ZNF648: variants seen among roughly 807,000 people sequenced by gnomAD.
The protein encoded by ZNF648 is zinc finger protein 648.
Under a neutral mutation model 0.3 loss-of-function variants are expected in ZNF648, and 1 was observed. The observed-to-expected ratio is 3.90, with a 90% confidence interval of 1.39 to 18.51. ZNF648 has a LOEUF of 18.51. Among genes scored for constraint, ZNF648 ranks in the 30% most tolerant of loss-of-function variants. The pLI is 0.11. For missense variants in ZNF648, 874 were observed against 769.7 expected, an observed-to-expected ratio of 1.14 and a Z score of -1.60; for synonymous variants, 376 against 326.8, an observed-to-expected ratio of 1.15 and a Z score of -1.62.
upstream of ZNF648, chr1:182,064,901 C>G (rs191917805): frequency 5.3e-5 from 8 of 152,262 alleles, no homozygotes; most frequent in African/African-American, 1.2e-4. Context: ...TGTGAAGGAG[C>G]CTGTGGAGAT....
chr1:182,058,211 G>T, intron 1 of ZNF648, 138 bp from the exon 2 acceptor site: 1 of 630,486 alleles, frequency 1.6e-6, no homozygotes, highest in Non-Finnish European at 2.7e-6. Flanking sequence ...CCTCACTGAG[G>T]ACAGAGGCCT....
Position 182,057,653 on chromosome 1 carries a change from T to C in ZNF648, c.358A>G (p.Ser120Gly). 1 of 1,614,198 alleles carries C rather than the reference T, an allele frequency of 6.2e-7. No homozygotes were observed. The highest frequency in any genetic ancestry group is 8.5e-7 in the Non-Finnish European group (1 of 1,180,036). ...CTGGGAAGGGAACCCAGAGCTCTGC[T>C]TGCTCCCGGGGAACCCTGGGTCTCG... ...INETQGSPGA[S>G]RALGSLPSGL... Residue 120 changes from serine to glycine, a missense_variant, in exon 2 of 2, where the codon AGC becomes GGC. Physicochemically the swap from Ser to Gly is moderately conservative, Grantham distance 56. Transcript: ENST00000339948.
chr1:182,057,426 C>T lies in ZNF648; in HGVS notation c.585G>A (p.Pro195=), dbSNP rs376867696. 6 of 1,614,124 alleles carry T rather than the reference C, an allele frequency of 3.7e-6. No homozygotes were observed. Among genetic ancestry groups the T allele is most frequent in the South Asian group, 3.3e-5 (3 of 91,082 alleles). ...GCGTGGGAAGGTCCCAGTTGCTCCC[C>T]GGCCTGGGGAAACACAACAGAGAAG... ...GNSSLLCFPR[P]GSNWDLPTQE... Residue 195 remains proline, a synonymous_variant, in exon 2 of 2, where the codon CCG becomes CCA. Transcript: ENST00000339948.
chr1:182,054,810 T>C lies in ZNF648; in HGVS notation c.*1494A>G, dbSNP rs1665882158. ...TCAACAGTAAAGGATGGGGATGGAC[T>C]CTTTTATTACGGTTACCTTGGTCAA... On this transcript the variant is annotated 3_prime_UTR_variant, in exon 2 of 2. Transcript: ENST00000339948. 6.6e-6 allele frequency: 1 copy of C among 152,264 alleles called. No homozygotes were observed. Among genetic ancestry groups the C allele is most frequent in the Non-Finnish European group, 1.5e-5 (1 of 68,052 alleles). The allele number at this position is 152,264 out of a possible 1,614,324, so 9.4% of individuals were successfully genotyped here.
At chr1:182,063,066 A>G (rs1666051732), upstream of ZNF648, 1 of 152,230 alleles carries the variant, frequency 6.6e-6, no homozygotes, top group African/African-American at 2.4e-5. Flanking sequence ...ATGGTATTCC[A>G]TGGTGTATAT....
intron 1 of ZNF648, among the ~76,000 whole-genome samples, chr1:182,059,162 G>T (rs1044655446): frequency 2.0e-5 from 3 of 152,028 alleles, no homozygotes; most frequent in Admixed American, 1.3e-4. Flanking sequence ...AAGTTACCTG[G>T]GTTTAAATGT....
intron 1 of ZNF648, among the ~76,000 whole-genome samples, chr1:182,060,358 G>A (rs560198673): frequency 6.6e-6 from 1 of 152,258 alleles, no homozygotes; most frequent in South Asian, 2.1e-4. Context: ...TATTTGGCTG[G>A]TACAGTTAAC....
At chr1:182,058,505 C>G (rs1665977774) in intron 1 of ZNF648, among the ~76,000 whole-genome samples, 1 of 149,782 alleles carries the variant, frequency 6.7e-6, no homozygotes, top group Non-Finnish European at 1.5e-5. Context: ...CTTTTGCTGT[C>G]CCTGCCAGGA....
chr1:182,063,934 T>C (rs1666065474), upstream of ZNF648: 1 of 152,254 alleles, frequency 6.6e-6, no homozygotes, highest in Non-Finnish European at 1.5e-5. Context: ...TAGCCAGTTC[T>C]CCTGGCACCA....
upstream of ZNF648, among the ~76,000 whole-genome samples, chr1:182,062,363 A>T (rs1666043026): frequency 6.6e-6 from 1 of 152,210 alleles, no homozygotes; most frequent in South Asian, 2.1e-4. Flanking sequence ...CTCAAGTCTA[A>T]TGTGCATTTA....
rs751263013 is a variant in ZNF648 at position 182,058,028 on chromosome 1, A to G, written c.-18T>C. 3.8e-6 allele frequency: 6 copies of G among 1,582,922 alleles called. No individual in the cohort carries two copies. Among genetic ancestry groups the G allele is most frequent in the South Asian group, 3.5e-5 (3 of 85,056 alleles). Reference sequence around the variant, plus strand: ...TGTGCCATGATGTTCAGGCGCTTCTATTGCCTACTCCTCTGAGGAGGAGTA... The same window carrying G: ...TGTGCCATGATGTTCAGGCGCTTCTGTTGCCTACTCCTCTGAGGAGGAGTA... On this transcript the variant is annotated 5_prime_UTR_variant, in exon 2 of 2. Coordinates refer to ENST00000339948, the MANE Select transcript of ZNF648 (RefSeq NM_001009992.1).
At chr1:182,065,405 T>G (rs1251618686), upstream of ZNF648, among the ~76,000 whole-genome samples, 1 of 152,234 alleles carries the variant, frequency 6.6e-6, no homozygotes, top group Non-Finnish European at 1.5e-5. Context: ...TCCCACTAAG[T>G]GCCTGCACAG....
At chr1:182,066,384 A>T (rs1236321725), upstream of ZNF648, among the ~76,000 whole-genome samples, 1 of 152,218 alleles carries the variant, frequency 6.6e-6, no homozygotes, top group South Asian at 2.1e-4. Context: ...CATCACAGCA[A>T]TCTGCCTGAG....
upstream of ZNF648, chr1:182,063,568 G>T (rs575453130): frequency 6.6e-6 from 1 of 152,030 alleles, no homozygotes; most frequent in Non-Finnish European, 1.5e-5. Context: ...GGGGGGTTTC[G>T]TAAATTTGCT....
At chr1:182,065,299 C>T (rs1666083740), upstream of ZNF648, among the ~76,000 whole-genome samples, 1 of 152,148 alleles carries the variant, frequency 6.6e-6, no homozygotes, top group Admixed American at 6.5e-5. Context: ...TTAGTCCCTC[C>T]TCCCCAAGGC....
upstream of ZNF648, chr1:182,063,026 G>A (rs555215468): frequency 5.9e-5 from 9 of 152,324 alleles, no homozygotes; most frequent in African/African-American, 2.2e-4. Flanking sequence ...TCCCTGCAAA[G>A]GATATGATCC....
upstream of ZNF648, among the ~76,000 whole-genome samples, chr1:182,065,061 G>A (rs778535638): frequency 1.3e-5 from 2 of 152,108 alleles, no homozygotes; most frequent in Admixed American, 6.5e-5. Flanking sequence ...ACATCCTAAC[G>A]AAGCAGCTAC....
chr1:182,068,148 C>G, the ZNF648 span, among the ~76,000 whole-genome samples: 1 of 152,222 alleles, frequency 6.6e-6, no homozygotes, highest in African/African-American at 2.4e-5. Flanking sequence ...TGAACTGAGG[C>G]TTACCAGAGC....
rs570828361 is a variant in ZNF648 at position 182,056,169 on chromosome 1, A to T, written c.*135T>A. The T allele has an allele frequency of 8.3e-6, 10 of 1,208,968 alleles. No individual in the cohort carries two copies. In the Admixed American group the frequency reaches 2.5e-4, roughly 30 times the overall value. 74.9% of individuals were successfully genotyped at this position (1,208,968 alleles called of 1,614,324 possible). On this transcript the variant is annotated 3_prime_UTR_variant, in exon 2 of 2. Coordinates refer to ENST00000339948, the MANE Select transcript of ZNF648 (RefSeq NM_001009992.1). ...TCGGTGGTGACTTTCTGTTCAAGGG[A>T]TCAAATAAATAATCAAATGGACCAC...
Sources: allele counts gnomAD v4.1 joint callset (sites outside exome capture counted in the v4.1 genomes callset), GRCh38; gene constraint gnomAD v4.1.1; transcripts MANE v1.5; gene names NCBI Gene and HGNC (gene_info 2026-07-23, HGNC 2026-07-21).